Variants in NTRK2 observed in about 807,000 individuals in gnomAD.
NTRK2 encodes the protein BDNF/NT-3 growth factors receptor.
Under a neutral mutation model 94.5 loss-of-function variants are expected in NTRK2, and 13 were observed. The ratio of observed to expected loss-of-function variants is 0.14; its 90% confidence interval spans 0.09 to 0.22. The LOEUF (loss-of-function observed/expected upper bound fraction) is 0.22. NTRK2 is among the 10% of genes least tolerant of loss of function. The pLI is 1.00. For missense variants in NTRK2, 639 were observed against 1,071.2 expected, an observed-to-expected ratio of 0.60 and a Z score of 5.63; for synonymous variants, 372 against 407.4, an observed-to-expected ratio of 0.91 and a Z score of 1.05.
intron 12 of NTRK2, among the ~76,000 whole-genome samples, chr9:84,752,514 C>T (rs1275408368): frequency 1.3e-5 from 2 of 152,128 alleles, no homozygotes; most frequent in Non-Finnish European, 2.9e-5. Context: ...CCTGCTTTTC[C>T]AGATCCTCAT....
intron 14 of NTRK2, among the ~76,000 whole-genome samples, chr9:84,925,424 G>A (rs11793880): frequency 6.6e-6 from 1 of 151,902 alleles, no homozygotes; most frequent in Admixed American, 6.5e-5. Flanking sequence ...TTCCCATTCA[G>A]GACACCACCC....
chr9:84,684,643 TA>T (rs2059599820), intron 2 of NTRK2, among the ~76,000 whole-genome samples: 1 of 152,246 alleles, frequency 6.6e-6, no homozygotes, highest in South Asian at 2.1e-4. Flanking sequence ...ATTAAGGCAG[TA>T]CTATTTGTCG....
At chr9:84,692,040 A>G (rs1446351345) in intron 2 of NTRK2, among the ~76,000 whole-genome samples, 1 of 152,052 alleles carries the variant, frequency 6.6e-6, no homozygotes, top group East Asian at 1.9e-4. Flanking sequence ...AGCCATTTCT[A>G]TTTTTTGGAG....
chr9:84,796,607 C>T (rs1378261152), intron 12 of NTRK2, among the ~76,000 whole-genome samples: 1 of 152,176 alleles, frequency 6.6e-6, no homozygotes, highest in Non-Finnish European at 1.5e-5. Flanking sequence ...TGGTATTAAT[C>T]TATGATGTCA....
At chr9:84,983,057 G>T (rs1021913276) in intron 17 of NTRK2, among the ~76,000 whole-genome samples, 13 of 152,250 alleles carry the variant, frequency 8.5e-5, no homozygotes, top group African/African-American at 2.6e-4. Flanking sequence ...TCTGAAATAG[G>T]TCTTGGTAAT....
intron 17 of NTRK2, among the ~76,000 whole-genome samples, chr9:85,004,141 AG>A (rs1481634245): frequency 1.3e-5 from 2 of 149,374 alleles, no homozygotes; most frequent in Admixed American, 1.3e-4. Flanking sequence ...GAAGGAAGGG[AG>A]GGAGGAACAG....
chr9:84,980,363 C>T (rs1827436042), intron 17 of NTRK2, among the ~76,000 whole-genome samples: 1 of 152,090 alleles, frequency 6.6e-6, no homozygotes, highest in African/African-American at 2.4e-5. Context: ...TTTTGACTTA[C>T]TTACTTAGGA....
At chr9:84,821,562 C>G (rs1450454562) in intron 12 of NTRK2, among the ~76,000 whole-genome samples, 1 of 152,152 alleles carries the variant, frequency 6.6e-6, no homozygotes, top group Non-Finnish European at 1.5e-5. Context: ...GAAATAATTA[C>G]AAATCCCAAA....
At chr9:84,718,991 G>A (rs1157471915) in intron 6 of NTRK2, among the ~76,000 whole-genome samples, 1 of 152,116 alleles carries the variant, frequency 6.6e-6, no homozygotes, top group South Asian at 2.1e-4. Flanking sequence ...TGGAAACTGC[G>A]ATGACAGGGT....
intron 10 of NTRK2, among the ~76,000 whole-genome samples, chr9:84,742,985 A>T (rs1198403308): frequency 2.1e-5 from 2 of 95,348 alleles, no homozygotes; most frequent in Non-Finnish European, 5.3e-5. Context: ...ATTTTTAGTT[A>T]AGACTGGGTT....
chr9:84,721,337 G>T (rs536630630), intron 6 of NTRK2, among the ~76,000 whole-genome samples: 1 of 152,098 alleles, frequency 6.6e-6, no homozygotes, highest in Non-Finnish European at 1.5e-5. Context: ...CACTGCGCAC[G>T]GCTAATTTTT....
intron 12 of NTRK2, among the ~76,000 whole-genome samples, chr9:84,802,919 A>G (rs534871305): frequency 6.6e-6 from 1 of 152,286 alleles, no homozygotes; most frequent in East Asian, 1.9e-4. Context: ...CTGATGAACA[A>G]TTCAGGGATC....
chr9:84,816,006 AAC>A (rs2072357644), intron 12 of NTRK2, among the ~76,000 whole-genome samples: 2 of 151,982 alleles, frequency 1.3e-5, no homozygotes, highest in South Asian at 4.2e-4. Flanking sequence ...AAAAAAAAAA[AAC>A]TTATGCGAAT....
At chr9:84,849,785 CT>C (rs1204921920) in intron 12 of NTRK2, among the ~76,000 whole-genome samples, 3 of 152,158 alleles carry the variant, frequency 2.0e-5, no homozygotes, top group African/African-American at 7.2e-5. Context: ...CTACGGTTGT[CT>C]ATCTCTGAGC....
rs201818380 is a variant in NTRK2, at chr9:84,924,231, G to GAAAGA, written c.1634-9928_1634-9924dup. Among the ~76,000 whole-genome samples, 194 of 32,018 alleles carry GAAAGA rather than the reference G, an allele frequency of 6.1e-3. 1 individual carries two copies. The highest frequency in any genetic ancestry group is 0.042 in the Admixed American group (125 of 2,984). The allele number at this position is 32,018 out of a possible 152,430, so 21.0% of individuals were successfully genotyped here. The stretch of plus-strand genomic sequence containing the variant: ...GACCCTGTCTCAAAGAAAGAAAGTA[G>GAAAGA]AAAGAAAGAAAGAAAGAAAGAAAGA... On this transcript the variant is annotated intron_variant, in intron 14 of 18. Coordinates refer to ENST00000277120, the MANE Select transcript of NTRK2 (RefSeq NM_006180.6).
rs201374880 is a variant in NTRK2, at chr9:85,023,074, C to T, written c.*1637C>T. Reference sequence around the variant, plus strand: ...TACAAAATTTGGCACAGCATGCCAACGGGAGGCTGTGCCCAGACCAAGCAC... The same window carrying T: ...TACAAAATTTGGCACAGCATGCCAATGGGAGGCTGTGCCCAGACCAAGCAC... On this transcript the variant is annotated 3_prime_UTR_variant, in exon 19 of 19. Transcript: ENST00000277120. The T allele has an allele frequency of 1.8e-4, 43 of 233,028 alleles. No individual in the cohort carries two copies. Among genetic ancestry groups the T allele is most frequent in the South Asian group, 3.6e-4 (2 of 5,526 alleles). 14.4% of individuals were successfully genotyped at this position (233,028 alleles called of 1,614,324 possible).
At chr9:84,820,415 C>T (rs1321091794) in intron 12 of NTRK2, among the ~76,000 whole-genome samples, 1 of 152,102 alleles carries the variant, frequency 6.6e-6, no homozygotes, top group Non-Finnish European at 1.5e-5. Context: ...AGTGATTTGC[C>T]TGCCTCGGCC....
At chr9:84,929,928 T>A (rs1478663584) in intron 14 of NTRK2, among the ~76,000 whole-genome samples, 1 of 152,174 alleles carries the variant, frequency 6.6e-6, no homozygotes, top group Non-Finnish European at 1.5e-5. Context: ...TCTCCAAAGT[T>A]AAGAGCAGCA....
At chr9:84,787,863 G>A (rs1173212020) in intron 12 of NTRK2, among the ~76,000 whole-genome samples, 1 of 152,144 alleles carries the variant, frequency 6.6e-6, no homozygotes, top group Non-Finnish European at 1.5e-5. Context: ...TGAAGAGCAG[G>A]ACTATGGAGA....
Sources: allele counts gnomAD v4.1 joint callset (sites outside exome capture counted in the v4.1 genomes callset), GRCh38; gene constraint gnomAD v4.1.1; transcripts MANE v1.5; gene names NCBI Gene and HGNC (gene_info 2026-07-23, HGNC 2026-07-21).